Variants in EHD4 observed in about 807,000 individuals in gnomAD.
EHD4 encodes EH domain-containing protein 4.
EHD4 carries 37 observed loss-of-function variants against 51.0 expected under a neutral mutation model. The ratio of observed to expected loss-of-function variants is 0.73; its 90% CI spans 0.56 to 0.95. The LOEUF (loss-of-function observed/expected upper bound fraction) is 0.95. Ranked by LOEUF, EHD4 falls within the 40% of genes least tolerant of loss-of-function variation. EHD4 has a pLI of 0.00. For synonymous variants in EHD4, 297 were observed against 317.3 expected, an observed-to-expected ratio of 0.94 and a Z score of 0.68; for missense variants, 632 against 733.1, an observed-to-expected ratio of 0.86 and a Z score of 1.59.
chr15:41,937,472 C>T (rs1284075135), intron 3 of EHD4, among the ~76,000 whole-genome samples: 2 of 152,210 alleles, frequency 1.3e-5, no homozygotes, highest in East Asian at 1.9e-4. Flanking sequence ...GGCTAGAGAG[C>T]TCACCCATCT....
intron 1 of EHD4, among the ~76,000 whole-genome samples, chr15:41,963,836 T>G (rs997756238): frequency 2.0e-5 from 3 of 151,686 alleles, no homozygotes; most frequent in Non-Finnish European, 4.4e-5. Context: ...AGAAAAACAT[T>G]TACATTTATT....
intron 4 of EHD4, among the ~76,000 whole-genome samples, chr15:41,916,087 C>T (rs1260966048): frequency 6.6e-6 from 1 of 152,178 alleles, no homozygotes; most frequent in East Asian, 1.9e-4. Flanking sequence ...TAAACATACT[C>T]CACAACCCAA....
intron 1 of EHD4, among the ~76,000 whole-genome samples, chr15:41,963,570 G>T (rs1157370962): frequency 1.3e-5 from 2 of 149,510 alleles, no homozygotes; most frequent in Non-Finnish European, 3.0e-5. Flanking sequence ...CTGCACTCCA[G>T]TGTGGGTGGA....
chr15:41,913,331 C>G (rs1004577817), intron 4 of EHD4, among the ~76,000 whole-genome samples: 1 of 152,174 alleles, frequency 6.6e-6, no homozygotes, highest in African/African-American at 2.4e-5. Flanking sequence ...TGGTGGTTGT[C>G]CCTGGGGAAG....
chr15:41,954,005 C>T, intron 1 of EHD4, 65 bp from the exon 2 acceptor site: 1 of 1,534,230 alleles, frequency 6.5e-7, no homozygotes. Context: ...CAGAAAGCTG[C>T]CTGGGATTAC....
intron 5 of EHD4, among the ~76,000 whole-genome samples, chr15:41,905,271 G>A (rs902611162): frequency 3.9e-5 from 6 of 152,298 alleles, no homozygotes; most frequent in South Asian, 4.1e-4. Flanking sequence ...GGGATTCTCC[G>A]AAGGAATGGG....
Position 41,919,218 on chromosome 15 carries a change from G to C in EHD4, c.916C>G (p.Leu306Val). The change falls in exon 4 of 6, where the codon CTG becomes GTG. Residue 306 changes from leucine (L) to valine (V), a missense_variant. By Grantham distance (32) the Leu-to-Val change is conservative (BLOSUM62 1). Transcript: ENST00000220325. ...GGCATCTCCTGGCTTACCTTGGCCA[G>C]CCTCGCTCGCTTGATGAGGTCGTTG... ...KLNDLIKRAR[L>V]AKVHAYIISY... 1 of 1,613,780 alleles carries C rather than the reference G, an allele frequency of 6.2e-7. No homozygotes were observed. Among genetic ancestry groups the C allele is most frequent in the African/African-American group, 1.3e-5 (1 of 75,052 alleles).
rs142391600 is a variant in EHD4, at chr15:41,901,135, G to A, written c.1136C>T (p.Pro379Leu). 9.5e-6 allele frequency: 15 copies of A among 1,577,664 alleles called. No individual in the cohort carries two copies. The highest frequency in any genetic ancestry group is 1.3e-5 in the Non-Finnish European group (15 of 1,165,480). ...YDFTKFHSLK[P>L]KLIEAVDNML... The stretch of plus-strand genomic sequence containing the variant: ...GTTGTCCACTGCCTCGATCAGCTTG[G>A]GCTTCAGCGAGTGGAATTTGGTGAA... Residue 379 changes from proline to leucine, a missense_variant, in exon 6 of 6, where the codon CCC becomes CTC. Transcript: ENST00000220325.
chr15:41,968,491 T>C (rs1003995224), intron 1 of EHD4, among the ~76,000 whole-genome samples: 5 of 147,146 alleles, frequency 3.4e-5, no homozygotes, highest in Non-Finnish European at 7.5e-5. Flanking sequence ...GGTCTCACTA[T>C]GTTGCCCAGG....
At chr15:41,912,213 C>T (rs979030357) in intron 4 of EHD4, among the ~76,000 whole-genome samples, 1 of 152,136 alleles carries the variant, frequency 6.6e-6, no homozygotes. Flanking sequence ...GAGTCATGAC[C>T]CTTAGGTGAC....
In EHD4 at chr15:41,919,416, T is replaced by C; in HGVS notation, c.718A>G (p.Met240Val). 1 of 1,599,768 alleles carries C rather than the reference T, an allele frequency of 6.3e-7. No individual in the cohort carries two copies. ...TTGATGACCTTGCCTAGGGACCACA[T>C]GAGGGCCCCGTAGACCCGCATCAGC... ...QQLMRVYGAL[M>V]WSLGKVINTP... The change falls in exon 4 of 6, where the codon ATG becomes GTG. Residue 240 changes from methionine to valine, a missense_variant. Transcript: ENST00000220325.
At chr15:41,911,772 C>A (rs990392922) in intron 4 of EHD4, among the ~76,000 whole-genome samples, 1 of 152,166 alleles carries the variant, frequency 6.6e-6, no homozygotes, top group East Asian at 1.9e-4. Context: ...GAGACCACCC[C>A]CTTCCCTGCT....
chr15:41,900,657 G>C lies in EHD4; in HGVS notation c.1614C>G (p.Pro538=). 1 of 1,594,224 alleles carries C rather than the reference G, an allele frequency of 6.3e-7. No homozygotes were observed. The highest frequency in any genetic ancestry group is 8.5e-7 in the Non-Finnish European group (1 of 1,174,666). Residue 538 remains proline (P), a synonymous_variant, in exon 6 of 6, where the codon CCC becomes CCG. Coordinates refer to ENST00000220325, the MANE Select transcript of EHD4 (RefSeq NM_139265.4). The surrounding 1 kb of genome is among the most constrained non-coding windows in gnomAD (Gnocchi z 4.8). ...TGCAGCCCACCCCTCAGTCGGCCTTGGGCAGGGACTTCCTGTGCGAGGGGG... is the reference window on the plus strand; with the variant it reads ...TGCAGCCCACCCCTCAGTCGGCCTTCGGCAGGGACTTCCTGTGCGAGGGGG... The part of the protein sequence containing the change: ...LVPPSHRKSL[P]KAD
intron 2 of EHD4, among the ~76,000 whole-genome samples, chr15:41,949,641 GATTC>G (rs750910968): frequency 6.6e-6 from 1 of 152,104 alleles, no homozygotes; most frequent in Non-Finnish European, 1.5e-5. Flanking sequence ...CAGGGCCAGT[GATTC>G]AAGTTATTTT....
At chr15:41,918,045 G>A (rs1046913156) in intron 4 of EHD4, among the ~76,000 whole-genome samples, 6 of 152,142 alleles carry the variant, frequency 3.9e-5, no homozygotes, top group Non-Finnish European at 7.4e-5. Context: ...ACACTGGCAC[G>A]AGGACAGGCT....
intron 1 of EHD4, among the ~76,000 whole-genome samples, chr15:41,969,797 G>T (rs1389806176): frequency 1.3e-5 from 2 of 152,056 alleles, no homozygotes; most frequent in African/African-American, 4.8e-5. Context: ...ATTCTTTATT[G>T]CCAGTCAAAG....
intron 3 of EHD4, among the ~76,000 whole-genome samples, chr15:41,922,484 G>A (rs1025227): frequency 0.055 from 8,339 of 152,272 alleles, 779 homozygotes; most frequent in African/African-American, 0.19. Context: ...TGTCGGTTCC[G>A]AAAGAAACCT....
At chr15:41,969,407 G>A (rs984199788) in intron 1 of EHD4, among the ~76,000 whole-genome samples, 160 of 152,258 alleles carry the variant, frequency 1.1e-3, no homozygotes, top group African/African-American at 3.6e-3. Context: ...TTAGCCAGGC[G>A]TGGTGGCACA....
At chr15:41,927,192 A>G (rs1275509979) in intron 3 of EHD4, among the ~76,000 whole-genome samples, 1 of 152,208 alleles carries the variant, frequency 6.6e-6, no homozygotes, top group Non-Finnish European at 1.5e-5. Flanking sequence ...ATTCACCACT[A>G]TACACCCAGG....
Sources: gnomAD v4.1 joint callset for allele counts (sites outside exome capture counted in the v4.1 genomes callset) on GRCh38, gnomAD v4.1.1 for gene constraint, Gnocchi (gnomAD v3.1) non-coding constraint, MANE v1.5 for transcripts, NCBI Gene and HGNC (gene_info 2026-07-23, HGNC 2026-07-21) for gene names.